UACA: variants seen among roughly 807,000 people sequenced by gnomAD.
The protein encoded by UACA is nuclear membrane binding protein.
Under a neutral mutation model 160.5 loss-of-function variants are expected in UACA, and 112 were observed. That is an observed-to-expected ratio of 0.70 (90% CI 0.60 to 0.82). UACA has a LOEUF of 0.82. UACA is among the 40% of genes least tolerant of loss of function. The pLI is 0.00. For synonymous variants in UACA, 557 were observed against 568.4 expected (o/e 0.98, Z 0.29); for missense variants, 1,574 against 1,614.6 (o/e 0.97, Z 0.43).
chr15:70,719,762 A>G (rs1020732448), intron 1 of UACA, among the ~76,000 whole-genome samples: 10 of 152,106 alleles, frequency 6.6e-5, no homozygotes, highest in Non-Finnish European at 1.3e-4. Flanking sequence ...TAAAGGAAAC[A>G]CCTTACAGAG....
intron 3 of UACA, among the ~76,000 whole-genome samples, chr15:70,694,435 T>C (rs1007951018): frequency 6.6e-6 from 1 of 152,088 alleles, no homozygotes; most frequent in African/African-American, 2.4e-5. Context: ...AGGCACAGAA[T>C]GGGTTCCTTA....
Position 70,668,016 on chromosome 15 carries a change from A to AT in UACA, c.2667dup (p.Phe890IlefsTer2). 6.2e-7 allele frequency: 1 copy of AT among 1,604,188 alleles called. No individual in the cohort carries two copies. The highest frequency in any genetic ancestry group is 8.5e-7 in the Non-Finnish European group (1 of 1,176,692). Reference sequence around the variant, plus strand: ...ACAAATTCCTGATTTATATCTTCAAATTTTTTCTTCACATCTAATAATTCT... The same window carrying AT: ...ACAAATTCCTGATTTATATCTTCAAATTTTTTTCTTCACATCTAATAATTCT... On this transcript the variant is annotated frameshift_variant, in exon 16 of 19. Transcript: ENST00000322954. LOFTEE classifies it high-confidence loss of function.
intron 1 of UACA, among the ~76,000 whole-genome samples, chr15:70,742,721 T>C (rs1443512157): frequency 6.6e-6 from 1 of 152,236 alleles, no homozygotes; most frequent in Admixed American, 6.5e-5. Context: ...ATGTTTCATA[T>C]GACTATTATC....
At chr15:70,739,516 T>TAA (rs1308747119) in intron 1 of UACA, among the ~76,000 whole-genome samples, 1 of 152,232 alleles carries the variant, frequency 6.6e-6, no homozygotes, top group Non-Finnish European at 1.5e-5. Flanking sequence ...ACTGGCTTTA[T>TAA]ATTGGCAAGA....
chr15:70,691,865 A>G lies in UACA; in HGVS notation c.302-502T>C, dbSNP rs1165154984. Reference sequence around the variant, plus strand: ...CTTTGGCTAAAATTCAAAGTTTATTATGTAATTCTATCTCTGAAAATCAGA... The same window carrying G: ...CTTTGGCTAAAATTCAAAGTTTATTGTGTAATTCTATCTCTGAAAATCAGA... On this transcript the variant is annotated intron_variant, in intron 3 of 18. Coordinates refer to ENST00000322954, the MANE Select transcript of UACA (RefSeq NM_018003.4). 3.3e-5 allele frequency among the ~76,000 whole-genome samples: 5 copies of G among 152,202 alleles called. No individual in the cohort carries two copies. In the South Asian group the frequency reaches 1.0e-3, roughly 31 times the overall value.
intron 3 of UACA, among the ~76,000 whole-genome samples, chr15:70,694,626 T>C (rs1898064002): frequency 6.6e-6 from 1 of 152,170 alleles, no homozygotes; most frequent in African/African-American, 2.4e-5. Context: ...GTTATATACA[T>C]GTCAGCTATT....
intron 17 of UACA, chr15:70,661,115 C>T (rs1896691608): frequency 6.6e-6 from 1 of 152,162 alleles, no homozygotes; most frequent in African/African-American, 2.4e-5. Context: ...GCTTCTTTTA[C>T]ACTATTTTCT....
intron 18 of UACA, among the ~76,000 whole-genome samples, chr15:70,659,372 T>A (rs961022382): frequency 7.0e-6 from 1 of 143,636 alleles, no homozygotes; most frequent in African/African-American, 2.5e-5. Flanking sequence ...AACATCCATC[T>A]TTCCCTTCTT....
intron 5 of UACA, among the ~76,000 whole-genome samples, chr15:70,689,340 A>G (rs1897843326): frequency 6.6e-6 from 1 of 152,206 alleles, no homozygotes; most frequent in African/African-American, 2.4e-5. Context: ...TAGCTAATGC[A>G]TCTAACTAAT....
At chr15:70,777,195 T>A in the UACA span, among the ~76,000 whole-genome samples, 1 of 151,822 alleles carries the variant, frequency 6.6e-6, no homozygotes, top group Non-Finnish European at 1.5e-5. Context: ...AAGGACAGAG[T>A]TGTCATTAAC....
Position 70,669,110 on chromosome 15 carries a change from T to C in UACA, c.1574A>G (p.Glu525Gly). 1 of 1,614,146 alleles carries C rather than the reference T, an allele frequency of 6.2e-7. No homozygotes were observed. Among genetic ancestry groups the C allele is most frequent in the Non-Finnish European group, 8.5e-7 (1 of 1,180,010 alleles). The change falls in exon 16 of 19, where the codon GAA (glutamate) becomes GGA (glycine). Residue 525 changes from glutamate (E) to glycine (G), a missense_variant. Transcript: ENST00000322954. ...TGAGGCTGCTTCACTTGTTAAGTGT[T>C]CTTTAAGGGCAAGAAAATGGGTCTG... The part of the protein sequence containing the change: ...QMQTHFLALK[E>G]HLTSEAASGN...
chr15:70,776,478 A>T, the UACA span, among the ~76,000 whole-genome samples: 281 of 140,198 alleles, frequency 2.0e-3, no homozygotes, highest in Non-Finnish European at 1.6e-3. Flanking sequence ...CCCAGGCTGG[A>T]GTGCAGTGGC....
intron 7 of UACA, 91 bp downstream of exon 7, chr15:70,687,449 G>T: frequency 8.1e-7 from 1 of 1,227,428 alleles, no homozygotes; most frequent in Non-Finnish European, 1.2e-6. Context: ...GGAAAGAAAG[G>T]CCAAGTCAGA....
the UACA span, among the ~76,000 whole-genome samples, chr15:70,774,890 C>T: frequency 1.3e-5 from 2 of 151,778 alleles, no homozygotes; most frequent in African/African-American, 2.4e-5. Flanking sequence ...CCCATCTCTA[C>T]AAAAATAAAA....
At chr15:70,760,704 G>A (rs2030698523) in intron 1 of UACA, among the ~76,000 whole-genome samples, 1 of 152,044 alleles carries the variant, frequency 6.6e-6, no homozygotes, top group Admixed American at 6.5e-5. Context: ...CTACTCAGGA[G>A]GCTGAGGCAG....
rs748667477 is a variant in UACA, at chr15:70,686,131, C to CTTTTT, written c.602+1404_602+1408dup. Among the ~76,000 whole-genome samples the CTTTTT allele has an allele frequency of 6.6e-4, 92 of 139,224 alleles. 1 individual carries two copies. The highest frequency in any genetic ancestry group is 2.3e-3 in the African/African-American group (88 of 38,070). 91.3% of individuals were successfully genotyped at this position (139,224 alleles called of 152,430 possible). A position where few individuals can be genotyped will look rare whatever the true frequency, so the allele number is the denominator to read the frequency against. Reference sequence around the variant, plus strand: ...TTAAAAAGCCACTTCTTAATCACATCTTTTTTTTTTTTTTTTAATATTTAA... The same window carrying CTTTTT: ...TTAAAAAGCCACTTCTTAATCACATCTTTTTTTTTTTTTTTTTTTTTAATATTTAA... On this transcript the variant is annotated intron_variant, in intron 7 of 18. Coordinates refer to ENST00000322954, the MANE Select transcript of UACA (RefSeq NM_018003.4).
chr15:70,721,115 G>A (rs1898977427), intron 1 of UACA, among the ~76,000 whole-genome samples: 1 of 152,196 alleles, frequency 6.6e-6, no homozygotes, highest in Non-Finnish European at 1.5e-5. Flanking sequence ...GAAACAAAAG[G>A]TTAAAGGGGG....
At chr15:70,771,740 T>G in the UACA span, among the ~76,000 whole-genome samples, 2 of 152,210 alleles carry the variant, frequency 1.3e-5, no homozygotes, top group Admixed American at 6.5e-5. Flanking sequence ...GAAAAGTGAC[T>G]TTGAACTAAG....
rs190258282 is a variant in UACA at position 70,660,350 on chromosome 15, C to A, written c.4114-134G>T. On this transcript the variant is annotated intron_variant, in intron 17 of 18. Coordinates refer to ENST00000322954, the MANE Select transcript of UACA (RefSeq NM_018003.4). ...CCTGCTACTTCTAACAACAAACTAC[C>A]TTGGACCTACCAGATGCAGAATTTC... 2,435 of 634,814 alleles carry A rather than the reference C, an allele frequency of 3.8e-3. 23 individuals carry two copies. The highest frequency in any genetic ancestry group is 0.016 in the South Asian group (722 of 44,182). The allele number at this position is 634,814 out of a possible 1,614,324, so 39.3% of individuals were successfully genotyped here.
Sources: gnomAD v4.1 joint callset for allele counts (sites outside exome capture counted in the v4.1 genomes callset) on GRCh38, gnomAD v4.1.1 for gene constraint, MANE v1.5 for transcripts, NCBI Gene and HGNC (gene_info 2026-07-23, HGNC 2026-07-21) for gene names.